The following UNC5D variants were observed in gnomAD, a reference collection of about 807,000 sequenced individuals.
UNC5D encodes netrin receptor UNC5D.
UNC5D carries 39 observed loss-of-function variants against 105.4 expected under a neutral mutation model. The observed-to-expected ratio is 0.37, with a 90% confidence interval of 0.29 to 0.48. UNC5D has a LOEUF of 0.48. Among genes scored for constraint, UNC5D ranks in the 20% least tolerant of loss-of-function variants. The probability of loss-of-function intolerance (pLI) is 0.98; values close to 1 mark genes in which losing one functional copy is unlikely to be tolerated. For synonymous variants in UNC5D, 452 were observed against 450.4 expected, an observed-to-expected ratio of 1.00 and a Z score of -0.04; for missense variants, 991 against 1,202.4, an observed-to-expected ratio of 0.82 and a Z score of 2.60.
At chr8:35,595,684 C>T (rs766368009) in intron 4 of UNC5D, 27 bp downstream of exon 4, 3 of 1,603,372 alleles carry the variant, frequency 1.9e-6, no homozygotes, top group Non-Finnish European at 2.6e-6. Context: ...GGACCAGTCA[C>T]CGGGAGGAAC....
intron 3 of UNC5D, among the ~76,000 whole-genome samples, chr8:35,572,508 T>A (rs1192141684): frequency 6.6e-6 from 1 of 152,020 alleles, no homozygotes; most frequent in Admixed American, 6.5e-5. Flanking sequence ...AACAAAAAAA[T>A]TTATATAATG....
intron 1 of UNC5D, among the ~76,000 whole-genome samples, chr8:35,268,692 G>T (rs1805061750): frequency 6.6e-6 from 1 of 151,858 alleles, no homozygotes; most frequent in Non-Finnish European, 1.5e-5. Flanking sequence ...GACTTATTTA[G>T]AACTTATTAG....
chr8:35,529,164 G>C (rs1814132161), intron 1 of UNC5D, among the ~76,000 whole-genome samples: 1 of 138,082 alleles, frequency 7.2e-6, no homozygotes. Flanking sequence ...TTTTCTTCTA[G>C]GGTTTTTATG....
rs116717123 is a variant in UNC5D at position 35,506,812 on chromosome 8, C to T, written c.104-42480C>T. Among the ~76,000 whole-genome samples the T allele has an allele frequency of 6.4e-3, 977 of 152,144 alleles. 11 individuals carry two copies. Among genetic ancestry groups the T allele is most frequent in the African/African-American group, 0.023 (937 of 41,502 alleles). On this transcript the variant is annotated intron_variant, in intron 1 of 16. Transcript: ENST00000404895. Reference sequence around the variant, plus strand: ...TGATTGTGTAGGCATCTAAGGACTGCGTGGAAAAGCCCTGTGAATCTCAAG... The same window carrying T: ...TGATTGTGTAGGCATCTAAGGACTGTGTGGAAAAGCCCTGTGAATCTCAAG...
intron 1 of UNC5D, among the ~76,000 whole-genome samples, chr8:35,271,115 A>T (rs947173023): frequency 6.6e-6 from 1 of 151,096 alleles, no homozygotes; most frequent in Non-Finnish European, 1.5e-5. Flanking sequence ...GAAAATAAGC[A>T]TCCTTAACAG....
chr8:35,414,589 T>TA (rs1805413948), intron 1 of UNC5D, among the ~76,000 whole-genome samples: 1 of 152,096 alleles, frequency 6.6e-6, no homozygotes, highest in South Asian at 2.1e-4. Flanking sequence ...TTTTCAAAAC[T>TA]AAAAAATTAC....
chr8:35,750,466 G>C, intron 12 of UNC5D, 116 bp from the exon 13 acceptor site: 1 of 1,035,152 alleles, frequency 9.7e-7, no homozygotes, highest in Non-Finnish European at 1.4e-6. Context: ...TTGGGCAATA[G>C]GACTATTCTG....
At chr8:35,654,321 A>G (rs1247616803) in intron 4 of UNC5D, among the ~76,000 whole-genome samples, 2 of 152,160 alleles carry the variant, frequency 1.3e-5, no homozygotes, top group Non-Finnish European at 2.9e-5. Context: ...TCCCTGCTCC[A>G]CTTTCAACAC....
intron 8 of UNC5D, among the ~76,000 whole-genome samples, chr8:35,707,366 TA>T (rs1268505853): frequency 6.6e-6 from 1 of 152,070 alleles, no homozygotes; most frequent in African/African-American, 2.4e-5. Context: ...TGCTGCCCAT[TA>T]AAAAAAATCA....
intron 1 of UNC5D, among the ~76,000 whole-genome samples, chr8:35,365,553 T>C (rs1308965695): frequency 7.8e-6 from 1 of 127,600 alleles, no homozygotes; most frequent in African/African-American, 3.0e-5. Context: ...ATTCTTTCAC[T>C]GGAGGATTAT....
chr8:35,248,301 T>TAG (rs1803338747), intron 1 of UNC5D, among the ~76,000 whole-genome samples: 1 of 113,786 alleles, frequency 8.8e-6, no homozygotes, highest in African/African-American at 3.7e-5. Context: ...TTATATAAAA[T>TAG]ATATAATATA....
chr8:35,693,199 A>T (rs1440445250), intron 7 of UNC5D, among the ~76,000 whole-genome samples: 3 of 151,846 alleles, frequency 2.0e-5, no homozygotes, highest in African/African-American at 7.3e-5. Flanking sequence ...TTTAAAAACT[A>T]TTTTTTTTAC....
At chr8:35,639,950 C>T (rs1822611752) in intron 4 of UNC5D, among the ~76,000 whole-genome samples, 1 of 151,780 alleles carries the variant, frequency 6.6e-6, no homozygotes, top group Non-Finnish European at 1.5e-5. Context: ...GTCTTAAACT[C>T]CTGCCCATAA....
At chr8:35,307,620 G>A (rs1292899574) in intron 1 of UNC5D, among the ~76,000 whole-genome samples, 4 of 152,110 alleles carry the variant, frequency 2.6e-5, no homozygotes, top group Non-Finnish European at 4.4e-5. Flanking sequence ...AATTTAAATT[G>A]CCTTAGATTT....
At chr8:35,512,152 G>A (rs958526193) in intron 1 of UNC5D, among the ~76,000 whole-genome samples, 1 of 152,028 alleles carries the variant, frequency 6.6e-6, no homozygotes, top group Non-Finnish European at 1.5e-5. Context: ...TTATACTACA[G>A]TAAAACACAT....
chr8:35,401,271 G>A (rs1804442706), intron 1 of UNC5D, among the ~76,000 whole-genome samples: 1 of 152,120 alleles, frequency 6.6e-6, no homozygotes, highest in African/African-American at 2.4e-5. Context: ...ATTACCTGAG[G>A]TCAGGAGTTT....
chr8:35,257,568 T>C (rs1412631161), intron 1 of UNC5D, among the ~76,000 whole-genome samples: 2 of 152,216 alleles, frequency 1.3e-5, no homozygotes, highest in African/African-American at 4.8e-5. Context: ...ATGTATGACA[T>C]GACCTTGCTT....
intron 1 of UNC5D, among the ~76,000 whole-genome samples, chr8:35,358,393 AAC>A (rs1304873951): frequency 6.6e-6 from 1 of 152,184 alleles, no homozygotes; most frequent in Non-Finnish European, 1.5e-5. Flanking sequence ...AACTAATGGA[AAC>A]ACAAAACGAA....
intron 4 of UNC5D, among the ~76,000 whole-genome samples, chr8:35,643,407 C>T (rs1822870081): frequency 6.6e-6 from 1 of 152,158 alleles, no homozygotes; most frequent in African/African-American, 2.4e-5. Context: ...ACCTCTGCCT[C>T]CTGGGTTCAA....
Sources: allele counts gnomAD v4.1 joint callset (sites outside exome capture counted in the v4.1 genomes callset), GRCh38; gene constraint gnomAD v4.1.1; transcripts MANE v1.5; gene names NCBI Gene and HGNC (gene_info 2026-07-23, HGNC 2026-07-21).